RTN1: variants seen among roughly 807,000 people sequenced by gnomAD.
RTN1 encodes reticulon-1.
A neutral mutation model predicts 65.5 loss-of-function variants in RTN1; 25 were observed. The ratio of observed to expected loss-of-function variants is 0.38; its 90% CI spans 0.28 to 0.53. The LOEUF is 0.53. Ranked by LOEUF, RTN1 falls within the 20% of genes least tolerant of loss-of-function variation. The probability of loss-of-function intolerance (pLI) is 0.79; values close to 1 mark genes in which losing one functional copy is unlikely to be tolerated. For synonymous variants in RTN1, 471 were observed against 447.6 expected, an observed-to-expected ratio of 1.05 and a Z score of -0.66; for missense variants, 983 against 1,025.4, an observed-to-expected ratio of 0.96 and a Z score of 0.57.
chr14:59,615,893 T>A (rs1008754517), intron 3 of RTN1, among the ~76,000 whole-genome samples: 1 of 152,112 alleles, frequency 6.6e-6, no homozygotes, highest in African/African-American at 2.4e-5. Flanking sequence ...AGAGTAAAGG[T>A]TTTTCTTTTT....
chr14:59,815,676 C>A (rs1264839489), intron 1 of RTN1, among the ~76,000 whole-genome samples: 1 of 152,190 alleles, frequency 6.6e-6, no homozygotes, highest in African/African-American at 2.4e-5. Context: ...ACAAAGGTGC[C>A]TGGCTCATCC....
Position 59,870,498 on chromosome 14 carries a change from C to T in RTN1, c.133G>A (p.Gly45Arg). 1.4e-6 allele frequency: 2 copies of T among 1,456,598 alleles called. No individual in the cohort carries two copies. The highest frequency in any genetic ancestry group is 1.8e-6 in the Non-Finnish European group (2 of 1,110,930). The allele number at this position is 1,456,598 out of a possible 1,614,324, so 90.2% of individuals were successfully genotyped here. The change falls in exon 1 of 9, where the codon GGG (glycine) becomes AGG (arginine). Residue 45 changes from glycine to arginine, a missense_variant. This residue lies in a region of RTN1 where 818 missense variants were observed against 801.8 expected (regional missense o/e 1.02). Coordinates refer to ENST00000267484, the MANE Select transcript of RTN1 (RefSeq NM_021136.3). The surrounding 1 kb of genome is among the most constrained non-coding windows in gnomAD (Gnocchi z 5.1). The stretch of plus-strand genomic sequence containing the variant: ...GCGCCCAACCCCGGGCTGGGCTCCC[C>T]AGCCTGCGGCGCCGGCGTGGCCCCT... The part of the protein sequence containing the change: ...PKGATPAPQA[G>R]EPSPGLGARA...
rs368903981 is a variant in RTN1, at chr14:59,672,797, C to T, written c.1765+54122G>A. Among the ~76,000 whole-genome samples, 886 of 149,966 alleles carry T rather than the reference C, an allele frequency of 5.9e-3. 11 individuals are homozygous for T. The highest frequency in any genetic ancestry group is 0.02 in the African/African-American group (811 of 40,884). ...CTGGGACTACAGGCGCCCGCCACCGCGCCTGGCTAATTTTTTGTATTTTTA... is the reference window on the plus strand; with the variant it reads ...CTGGGACTACAGGCGCCCGCCACCGTGCCTGGCTAATTTTTTGTATTTTTA... On this transcript the variant is annotated intron_variant, in intron 3 of 8. Transcript: ENST00000267484.
chr14:59,725,645 G>A (rs993195093), intron 3 of RTN1, among the ~76,000 whole-genome samples: 1 of 152,182 alleles, frequency 6.6e-6, no homozygotes, highest in Non-Finnish European at 1.5e-5. Context: ...GGGAAGTCAA[G>A]AGTCAATTAT....
chr14:59,810,676 C>T (rs981999552), intron 1 of RTN1, among the ~76,000 whole-genome samples: 7 of 152,066 alleles, frequency 4.6e-5, no homozygotes, highest in African/African-American at 1.4e-4. Context: ...ATTGTGACAT[C>T]GGTGGGGAGG....
intron 1 of RTN1, among the ~76,000 whole-genome samples, chr14:59,770,724 T>C (rs1234542225): frequency 6.6e-6 from 1 of 152,192 alleles, no homozygotes; most frequent in Non-Finnish European, 1.5e-5. Context: ...CCAGGCTCAT[T>C]TCCCTGAAGG....
intron 1 of RTN1, among the ~76,000 whole-genome samples, chr14:59,805,450 G>A (rs1886619596): frequency 2.0e-5 from 3 of 152,134 alleles, no homozygotes; most frequent in South Asian, 4.1e-4. Context: ...GTCTGGCCAG[G>A]TCTCTGCCCC....
chr14:59,613,232 TC>T (rs1344939639), intron 3 of RTN1, among the ~76,000 whole-genome samples: 12 of 152,222 alleles, frequency 7.9e-5, no homozygotes, highest in Non-Finnish European at 1.3e-4. Context: ...TGAAAGGATT[TC>T]TTCTTTAAAG....
At position 59,745,305 on chromosome 14, in the gene RTN1, T is replaced by C. The variant is rs191259343; in HGVS notation, c.1015+403A>G. On this transcript the variant is annotated intron_variant, in intron 2 of 8. Transcript: ENST00000267484. ...ATACATTACCCTGTGTCAGGTATTC[T>C]GTTATAAGCAACACAAAACAGACTA... Among the ~76,000 whole-genome samples the C allele has an allele frequency of 2.6e-3, 390 of 152,322 alleles. 1 individual carries two copies. Among genetic ancestry groups the C allele is most frequent in the African/African-American group, 8.7e-3 (363 of 41,574 alleles).
At chr14:59,670,970 A>C (rs111231161) in intron 3 of RTN1, among the ~76,000 whole-genome samples, 2,712 of 152,268 alleles carry the variant, frequency 0.018, 73 homozygotes, top group African/African-American at 0.061. Context: ...TTCTAATCTG[A>C]GCTACCACAT....
At chr14:59,610,144 T>C (rs759172659) in intron 3 of RTN1, 2 of 775,452 alleles carry the variant, frequency 2.6e-6, no homozygotes. Context: ...GCATGCCCTC[T>C]AGGGAAGCCT....
chr14:59,717,244 A>C (rs1201927436), intron 3 of RTN1, among the ~76,000 whole-genome samples: 1 of 152,200 alleles, frequency 6.6e-6, no homozygotes, highest in African/African-American at 2.4e-5. Flanking sequence ...GTAGGCAGAT[A>C]AATCTCCCAA....
At chr14:59,652,228 T>G (rs1883034145) in intron 3 of RTN1, among the ~76,000 whole-genome samples, 1 of 152,258 alleles carries the variant, frequency 6.6e-6, no homozygotes, top group Admixed American at 6.5e-5. Context: ...TATACACTGT[T>G]GGTGGAAGTG....
At chr14:59,700,278 G>C (rs1358201812) in intron 3 of RTN1, among the ~76,000 whole-genome samples, 1 of 152,096 alleles carries the variant, frequency 6.6e-6, no homozygotes, top group Non-Finnish European at 1.5e-5. Context: ...GAATTGGAAG[G>C]CAATATTGTT....
chr14:59,811,679 C>G (rs1886731772), intron 1 of RTN1, among the ~76,000 whole-genome samples: 1 of 152,152 alleles, frequency 6.6e-6, no homozygotes, highest in African/African-American at 2.4e-5. Flanking sequence ...TTTGGAAAGA[C>G]TCATATTAGT....
chr14:59,618,605 C>T (rs1475659515), intron 3 of RTN1, among the ~76,000 whole-genome samples: 1 of 152,208 alleles, frequency 6.6e-6, no homozygotes, highest in African/African-American at 2.4e-5. Flanking sequence ...GTCTAGGCAG[C>T]AGGAAAGGTG....
intron 1 of RTN1, among the ~76,000 whole-genome samples, chr14:59,746,946 G>A (rs1379957889): frequency 1.3e-5 from 2 of 152,122 alleles, no homozygotes; most frequent in African/African-American, 4.8e-5. Context: ...AAATTCAATG[G>A]CTGGGAGGAG....
rs567309857 is a variant in RTN1 at position 59,693,451 on chromosome 14, C to A, written c.1765+33468G>T. ...ACTTCTGAGATTTTGGTGCACCCAT[C>A]ACCCAAGCAGTACACACTGTACCCT... On this transcript the variant is annotated intron_variant, in intron 3 of 8. Transcript: ENST00000267484. Among the ~76,000 whole-genome samples the A allele has an allele frequency of 1.4e-4, 21 of 152,206 alleles. No individual in the cohort carries two copies. The South Asian group carries it at 4.2e-3, about 30-fold the overall frequency.
At chr14:59,673,378 T>C (rs1354718322) in intron 3 of RTN1, among the ~76,000 whole-genome samples, 2 of 152,320 alleles carry the variant, frequency 1.3e-5, no homozygotes, top group South Asian at 4.1e-4. Context: ...AATGCGGGTG[T>C]GTTACAGCTG....
Sources: gnomAD v4.1 joint callset for allele counts (sites outside exome capture counted in the v4.1 genomes callset) on GRCh38, gnomAD v4.1.1 for gene constraint, gnomAD v4.1.1 regional missense constraint, Gnocchi (gnomAD v3.1) non-coding constraint, MANE v1.5 for transcripts, NCBI Gene and HGNC (gene_info 2026-07-23, HGNC 2026-07-21) for gene names.